The following RSPO2 variants were observed in gnomAD, a reference collection of about 807,000 sequenced individuals.
The protein encoded by RSPO2 is R-spondin-2.
In RSPO2, 14 loss-of-function variants were observed where a neutral mutation model predicts 30.9. The observed-to-expected ratio is 0.45, with a 90% CI of 0.30 to 0.71. RSPO2 has a LOEUF of 0.71. Ranked by LOEUF, RSPO2 falls within the 30% of genes least tolerant of loss-of-function variation. The probability of loss-of-function intolerance (pLI) is 0.08; values close to 1 mark genes in which losing one functional copy is unlikely to be tolerated. For missense variants in RSPO2, 264 were observed against 301.9 expected (o/e 0.87, Z 0.93); for synonymous variants, 107 against 96.4 (o/e 1.11, Z -0.64).
intron 3 of RSPO2, among the ~76,000 whole-genome samples, chr8:107,971,209 C>T (rs1237250024): frequency 6.6e-6 from 1 of 152,190 alleles, no homozygotes; most frequent in Non-Finnish European, 1.5e-5. Context: ...GGCTCACTTA[C>T]AAGAACTACC....
In RSPO2 at chr8:108,026,491, G is replaced by C. The variant is rs377761538; in HGVS notation, c.95-37247C>G. ...TTTTTGTTTTTAGGAAATGTGCACT[G>C]ATATTGAGAATCATGTCTCCAACTT... is the stretch of plus-strand genomic sequence containing the variant. On this transcript the variant is annotated intron_variant, in intron 2 of 5. Transcript: ENST00000276659. Among the ~76,000 whole-genome samples the C allele has an allele frequency of 1.3e-4, 20 of 152,200 alleles. No individual in the cohort carries two copies. The East Asian group carries it at 3.9e-3, about 29-fold the overall frequency.
In RSPO2 at chr8:107,913,782, A is replaced by G. The variant is rs550801552; in HGVS notation, c.617-12592T>C. ...TCATGTCTCCTCAACTGAAAATGGC[A>G]TTCTACTCTCCAGAAAAAGTATAGA... On this transcript the variant is annotated intron_variant, in intron 5 of 5. Transcript: ENST00000276659. Among the ~76,000 whole-genome samples the G allele has an allele frequency of 3.9e-4, 59 of 152,270 alleles. 1 individual carries two copies. The highest frequency in any genetic ancestry group is 1.4e-3 in the African/African-American group (58 of 41,584).
At chr8:108,079,703 A>G (rs1290951665) in intron 2 of RSPO2, among the ~76,000 whole-genome samples, 2 of 152,074 alleles carry the variant, frequency 1.3e-5, no homozygotes, top group Admixed American at 1.3e-4. Flanking sequence ...ATATGGAAAA[A>G]AAAAAAAAAG....
At chr8:107,907,537 C>T (rs1388393953) in intron 5 of RSPO2, among the ~76,000 whole-genome samples, 2 of 151,646 alleles carry the variant, frequency 1.3e-5, no homozygotes, top group East Asian at 1.9e-4. Context: ...GTCATTTCAT[C>T]GTCATAAAAG....
chr8:107,955,789 T>C (rs1293570263), intron 5 of RSPO2, among the ~76,000 whole-genome samples: 1 of 152,188 alleles, frequency 6.6e-6, no homozygotes, highest in Admixed American at 6.5e-5. Context: ...GCTGCTGCTT[T>C]AGTGTGAAGG....
chr8:107,981,615 A>G (rs996926382), intron 3 of RSPO2, among the ~76,000 whole-genome samples: 2 of 152,210 alleles, frequency 1.3e-5, no homozygotes, highest in African/African-American at 2.4e-5. Context: ...CTAAATAGTG[A>G]TCTTGGAGTT....
At chr8:107,965,264 T>C (rs1813762419) in intron 3 of RSPO2, among the ~76,000 whole-genome samples, 1 of 152,214 alleles carries the variant, frequency 6.6e-6, no homozygotes, top group Non-Finnish European at 1.5e-5. Flanking sequence ...GTAAAATTAC[T>C]GTCCAAGTGA....
chr8:107,940,255 G>A (rs1252923708), intron 5 of RSPO2, among the ~76,000 whole-genome samples: 3 of 152,056 alleles, frequency 2.0e-5, no homozygotes, highest in Admixed American at 2.0e-4. Flanking sequence ...TTGCCTTAAA[G>A]GAACTCAAAA....
chr8:107,954,220 A>T (rs1563537051), intron 5 of RSPO2, among the ~76,000 whole-genome samples: 1 of 152,226 alleles, frequency 6.6e-6, no homozygotes, highest in Non-Finnish European at 1.5e-5. Flanking sequence ...GACCACAGCC[A>T]CCTACAGATG....
At chr8:107,987,019 T>C (rs749690083) in intron 3 of RSPO2, among the ~76,000 whole-genome samples, 2 of 152,198 alleles carry the variant, frequency 1.3e-5, no homozygotes, top group African/African-American at 2.4e-5. Context: ...CTTTAAATAT[T>C]AATCCAAACA....
At chr8:108,060,498 GAAAC>G (rs1003727082) in intron 2 of RSPO2, among the ~76,000 whole-genome samples, 4 of 151,752 alleles carry the variant, frequency 2.6e-5, no homozygotes, top group East Asian at 1.9e-4. Flanking sequence ...AGAGTGAAAA[GAAAC>G]AAACAAAGCC....
chr8:107,976,551 AGGCAGTAACTTCT>A (rs1347151781), intron 3 of RSPO2, among the ~76,000 whole-genome samples: 2 of 152,242 alleles, frequency 1.3e-5, no homozygotes, highest in African/African-American at 4.8e-5. Flanking sequence ...GAATGTCAAA[AGGCAGTAACTTCT>A]GGAAGCATTC....
chr8:107,948,049 C>T (rs144170546), intron 5 of RSPO2, among the ~76,000 whole-genome samples: 1 of 152,342 alleles, frequency 6.6e-6, no homozygotes, highest in East Asian at 1.9e-4. Flanking sequence ...TATTCCCTGG[C>T]AATGGCAGCT....
intron 2 of RSPO2, among the ~76,000 whole-genome samples, chr8:108,017,710 TAAAAAC>T (rs1457201959): frequency 6.6e-6 from 1 of 152,176 alleles, no homozygotes; most frequent in East Asian, 1.9e-4. Flanking sequence ...ACAACTTTGA[TAAAAAC>T]AAAATTTTAA....
chr8:107,916,201 C>T (rs1811978284), intron 5 of RSPO2, among the ~76,000 whole-genome samples: 1 of 152,114 alleles, frequency 6.6e-6, no homozygotes, highest in Non-Finnish European at 1.5e-5. Context: ...AAAATGTAGA[C>T]ATTTGGTCTA....
intron 3 of RSPO2, among the ~76,000 whole-genome samples, chr8:107,969,836 T>C (rs1409818304): frequency 6.6e-6 from 1 of 152,200 alleles, no homozygotes; most frequent in African/African-American, 2.4e-5. Flanking sequence ...TCTTGGTTAC[T>C]TCTTGTGCTT....
chr8:107,989,256 A>C lies in RSPO2; in HGVS notation c.95-12T>G. ...TGATACATAACTAGCTGTAAAAGAAAAACAAAAATTGTGTTTAATTATCAG... is the reference window on the plus strand; with the variant it reads ...TGATACATAACTAGCTGTAAAAGAACAACAAAAATTGTGTTTAATTATCAG... On this transcript the variant is annotated splice_polypyrimidine_tract_variant and intron_variant, in intron 2 of 5. Transcript: ENST00000276659. 6.5e-7 allele frequency: 1 copy of C among 1,535,722 alleles called. No homozygotes were observed.
chr8:107,945,162 G>A (rs1466465602), intron 5 of RSPO2, among the ~76,000 whole-genome samples: 1 of 150,900 alleles, frequency 6.6e-6, no homozygotes, highest in African/African-American at 2.4e-5. Flanking sequence ...AAATTCTTCT[G>A]GAATGGCCAA....
rs1035255252 is a variant in RSPO2, at chr8:107,978,220, G to C, written c.283+10836C>G. Among the ~76,000 whole-genome samples, 3 of 152,120 alleles carry C rather than the reference G, an allele frequency of 2.0e-5. 1 individual carries two copies. Among genetic ancestry groups the C allele is most frequent in the Non-Finnish European group, 4.4e-5 (3 of 68,020 alleles). ...AGGCGGGCAGATCACCCCAGGTCAG[G>C]AGTTTGAGACCAGCCTGGCCAACAT... is the stretch of plus-strand genomic sequence containing the variant. On this transcript the variant is annotated intron_variant, in intron 3 of 5. Transcript: ENST00000276659.
Sources: gnomAD v4.1 joint callset for allele counts (sites outside exome capture counted in the v4.1 genomes callset) on GRCh38, gnomAD v4.1.1 for gene constraint, MANE v1.5 for transcripts, NCBI Gene and HGNC (gene_info 2026-07-23, HGNC 2026-07-21) for gene names.